COG5: variants seen among roughly 807,000 people sequenced by gnomAD.
COG5 encodes component of oligomeric golgi complex 5, also known as conserved oligomeric Golgi complex subunit 5.
Under a neutral mutation model 110.4 loss-of-function variants are expected in COG5, and 86 were observed. The ratio of observed to expected loss-of-function variants is 0.78; its 90% confidence interval spans 0.65 to 0.93. The LOEUF is 0.93. Ranked by LOEUF, COG5 falls within the 40% of genes least tolerant of loss-of-function variation. The pLI is 0.00. For missense variants in COG5, 1,077 were observed against 987.0 expected, an observed-to-expected ratio of 1.09 and a Z score of -1.22; for synonymous variants, 360 against 334.6, an observed-to-expected ratio of 1.08 and a Z score of -0.83.
In COG5 at chr7:107,324,461, G is replaced by T; in HGVS notation, c.1087C>A (p.Gln363Lys). ...WNSVTQALSSQFHMATNSSMF... is the reference protein window; with the variant it reads ...WNSVTQALSSKFHMATNSSMF... Reference sequence around the variant, plus strand: ...TTACAGTTTGTTGCCATATGAAATTGAGAAGAAAGTGCCTGAGTAACTGAA... The same window carrying T: ...TTACAGTTTGTTGCCATATGAAATTTAGAAGAAAGTGCCTGAGTAACTGAA... Residue 363 changes from glutamine to lysine, a missense_variant, in exon 11 of 22, where the codon CAA becomes AAA. By Grantham distance (53) the Gln-to-Lys change is moderately conservative. Transcript: ENST00000297135. 1 of 1,603,074 alleles carries T rather than the reference G, an allele frequency of 6.2e-7. No individual in the cohort carries two copies. Among genetic ancestry groups the T allele is most frequent in the Non-Finnish European group, 8.5e-7 (1 of 1,173,026 alleles).
chr7:107,216,655 G>A (rs977096313), intron 19 of COG5, among the ~76,000 whole-genome samples: 1 of 151,884 alleles, frequency 6.6e-6, no homozygotes, highest in Non-Finnish European at 1.5e-5. Flanking sequence ...ACAACCAATG[G>A]GTCAAAGGAG....
intron 10 of COG5, among the ~76,000 whole-genome samples, chr7:107,338,898 A>G (rs1031511290): frequency 6.6e-6 from 1 of 152,100 alleles, no homozygotes; most frequent in South Asian, 2.1e-4. Context: ...AAATGAAAGA[A>G]TGATACCTGT....
intron 7 of COG5, among the ~76,000 whole-genome samples, chr7:107,394,921 C>T (rs928342596): frequency 4.6e-5 from 7 of 151,942 alleles, no homozygotes; most frequent in South Asian, 2.1e-4. Context: ...TTAAGTGTTT[C>T]GTCTATAAAA....
At chr7:107,326,141 C>T (rs944943750) in intron 10 of COG5, among the ~76,000 whole-genome samples, 2 of 152,024 alleles carry the variant, frequency 1.3e-5, no homozygotes, top group Non-Finnish European at 2.9e-5. Context: ...AACTAGGACT[C>T]GAAGGAAATT....
intron 14 of COG5, among the ~76,000 whole-genome samples, chr7:107,258,976 AT>A (rs1316344934): frequency 2.6e-5 from 4 of 152,160 alleles, no homozygotes; most frequent in African/African-American, 9.7e-5. Flanking sequence ...TTTTTTATAG[AT>A]TAAAAAAAAG....
intron 10 of COG5, among the ~76,000 whole-genome samples, chr7:107,334,142 C>T (rs946807440): frequency 1.3e-5 from 2 of 151,958 alleles, no homozygotes; most frequent in Non-Finnish European, 2.9e-5. Context: ...GGTCAAGCTA[C>T]GGAATCAACC....
chr7:107,362,105 T>A lies in COG5; in HGVS notation c.954A>T (p.Gln318His), dbSNP rs775128001. 6.2e-7 allele frequency: 1 copy of A among 1,605,312 alleles called. No homozygotes were observed. The highest frequency in any genetic ancestry group is 1.7e-5 in the Admixed American group (1 of 59,610). ...DHIYAVCGQV[Q>H]HLQKVLAKKR... ...TCTTGGCCAATACTTTTTGTAGATG[T>A]TGTACCTTAAATGAAACAAATGTAA... is the stretch of plus-strand genomic sequence containing the variant. The change falls in exon 10 of 22, where the codon CAA becomes CAT. Residue 318 changes from glutamine to histidine, a missense_variant. Physicochemically the swap from Gln to His is conservative, Grantham distance 24. Coordinates refer to ENST00000297135, the MANE Select transcript of COG5 (RefSeq NM_006348.5).
At chr7:107,551,904 C>T (rs939038350) in intron 3 of COG5, among the ~76,000 whole-genome samples, 2 of 152,264 alleles carry the variant, frequency 1.3e-5, no homozygotes, top group African/African-American at 4.8e-5. Flanking sequence ...GCGTGAGCCA[C>T]TGCACCCTGG....
At chr7:107,451,804 C>G (rs1795358136) in intron 6 of COG5, among the ~76,000 whole-genome samples, 1 of 152,040 alleles carries the variant, frequency 6.6e-6, no homozygotes, top group African/African-American at 2.4e-5. Context: ...GTATATAATA[C>G]AAATAACATA....
At chr7:107,214,086 C>A (rs1382607468) in intron 19 of COG5, among the ~76,000 whole-genome samples, 1 of 151,696 alleles carries the variant, frequency 6.6e-6, no homozygotes, top group African/African-American at 2.4e-5. Flanking sequence ...ATAACAAAAA[C>A]CAAATAGAAA....
chr7:107,258,450 T>TCTCTCA (rs142552893), intron 14 of COG5, 67 bp from the exon 15 acceptor site: 9,791 of 701,816 alleles, frequency 0.014, 36 homozygotes, highest in Non-Finnish European at 0.019. Context: ...TCTCTCTCTC[T>TCTCTCA]CACACACACA....
chr7:107,562,136 CT>C (rs1328436424), intron 1 of COG5, among the ~76,000 whole-genome samples: 1 of 152,156 alleles, frequency 6.6e-6, no homozygotes, highest in African/African-American at 2.4e-5. Context: ...GATGGATCCT[CT>C]TTTTCTCCCC....
intron 7 of COG5, among the ~76,000 whole-genome samples, chr7:107,377,239 C>A (rs1165250083): frequency 6.6e-6 from 1 of 151,956 alleles, no homozygotes; most frequent in Non-Finnish European, 1.5e-5. Flanking sequence ...ATAATAAATT[C>A]AATTTTGTTA....
intron 16 of COG5, among the ~76,000 whole-genome samples, chr7:107,249,903 G>A (rs549807462): frequency 4.5e-4 from 68 of 152,160 alleles, no homozygotes; most frequent in South Asian, 1.0e-3. Flanking sequence ...CCCAAGCATA[G>A]GAGTTTGGGA....
At chr7:107,351,402 A>C (rs1001004295) in intron 10 of COG5, among the ~76,000 whole-genome samples, 1 of 152,224 alleles carries the variant, frequency 6.6e-6, no homozygotes, top group African/African-American at 2.4e-5. Context: ...GGCATGGGCA[A>C]GGACTTCATG....
In COG5 at chr7:107,548,352, C is replaced by T. The variant is rs771512853; in HGVS notation, c.293-20G>A. 6.2e-7 allele frequency: 1 copy of T among 1,612,328 alleles called. No homozygotes were observed. The highest frequency in any genetic ancestry group is 1.7e-5 in the Admixed American group (1 of 60,000). On this transcript the variant is annotated intron_variant, in intron 3 of 21. Coordinates refer to ENST00000297135, the MANE Select transcript of COG5 (RefSeq NM_006348.5). ...GAACACCTAGGAAAACATAAGTTTACATTGGCTTTACAAATTTACAGGGCA... is the reference window on the plus strand; with the variant it reads ...GAACACCTAGGAAAACATAAGTTTATATTGGCTTTACAAATTTACAGGGCA...
At chr7:107,476,184 T>TAAAAAAAA (rs34741713) in intron 6 of COG5, among the ~76,000 whole-genome samples, 4 of 44,028 alleles carry the variant, frequency 9.1e-5, no homozygotes, top group African/African-American at 4.1e-4. Flanking sequence ...GCAATGATTT[T>TAAAAAAAA]AAAAAAAAAA....
intron 6 of COG5, chr7:107,472,085 C>A (rs1796667657): frequency 6.6e-6 from 1 of 151,966 alleles, no homozygotes; most frequent in South Asian, 2.1e-4. Flanking sequence ...GAAATATTAT[C>A]ATGTACTCCA....
chr7:107,472,831 T>C (rs1395348586), intron 6 of COG5: 1 of 151,922 alleles, frequency 6.6e-6, no homozygotes, highest in Non-Finnish European at 1.5e-5. Flanking sequence ...TTATGTTGAA[T>C]ATGATTTTGC....
Sources: allele counts gnomAD v4.1 joint callset (sites outside exome capture counted in the v4.1 genomes callset), GRCh38; gene constraint gnomAD v4.1.1; transcripts MANE v1.5; gene names NCBI Gene and HGNC (gene_info 2026-07-23, HGNC 2026-07-21).